Variants in GABPA observed in about 807,000 individuals in gnomAD.
GABPA encodes the protein GA-binding protein alpha chain.
A neutral mutation model predicts 59.4 loss-of-function variants in GABPA; 4 were observed. That is an observed-to-expected ratio of 0.07 (90% CI 0.03 to 0.15). The LOEUF (loss-of-function observed/expected upper bound fraction) is 0.15, where lower values mean the gene tolerates loss of function less well. GABPA is among the 10% of genes least tolerant of loss of function. The pLI, the probability that GABPA is intolerant of heterozygous loss-of-function variation, is 1.00. For missense variants in GABPA, 251 were observed against 543.8 expected (o/e 0.46, Z 5.36); for synonymous variants, 164 against 183.1 (o/e 0.90, Z 0.84).
At chr21:25,756,637 G>A (rs1025820097) in intron 5 of GABPA, among the ~76,000 whole-genome samples, 4 of 152,186 alleles carry the variant, frequency 2.6e-5, no homozygotes, top group Admixed American at 6.5e-5. Flanking sequence ...ATCAGAGTGG[G>A]TCACACTTCC....
At chr21:25,738,245 CAT>C (rs541091694) in intron 1 of GABPA, among the ~76,000 whole-genome samples, 62 of 152,330 alleles carry the variant, frequency 4.1e-4, no homozygotes, top group African/African-American at 1.4e-3. Flanking sequence ...CCAACACACA[CAT>C]GGTATAAAGT....
chr21:25,743,021 G>A (rs978486035), intron 2 of GABPA, among the ~76,000 whole-genome samples: 1 of 152,128 alleles, frequency 6.6e-6, no homozygotes, highest in African/African-American at 2.4e-5. Context: ...TCTGTCTCGG[G>A]TATTTCATGA....
chr21:25,757,859 T>A, intron 5 of GABPA, 151 bp from the exon 6 acceptor site: 1 of 388,400 alleles, frequency 2.6e-6, no homozygotes, highest in Non-Finnish European at 4.5e-6. Flanking sequence ...ATTTTTTTTT[T>A]TTTTTTTTTT....
At chr21:25,736,793 A>C (rs67239639) in intron 1 of GABPA, among the ~76,000 whole-genome samples, 1 of 152,320 alleles carries the variant, frequency 6.6e-6, no homozygotes, top group Non-Finnish European at 1.5e-5. Context: ...CTTTCACTGT[A>C]TGTGCTTTCT....
Position 25,744,099 on chromosome 21 carries a change from GCTTA to G in GABPA, c.78-1106_78-1103del, listed in dbSNP as rs544380947. Among the ~76,000 whole-genome samples the G allele has an allele frequency of 1.4e-4, 21 of 149,318 alleles. No individual in the cohort carries two copies. In the South Asian group the frequency reaches 2.1e-3, roughly 15 times the overall value. On this transcript the variant is annotated intron_variant, in intron 2 of 9. Transcript: ENST00000400075. ...TATAGCTGAAGAGTTTGGTAAAAAGGCTTACTTAAAGTTTTTTTTTACCTTAACA... is the reference window on the plus strand; with the variant it reads ...TATAGCTGAAGAGTTTGGTAAAAAGGCTTAAAGTTTTTTTTTACCTTAACA...
intron 5 of GABPA, among the ~76,000 whole-genome samples, 161 bp from the exon 6 acceptor site, chr21:25,757,849 A>ATTTTTTTTTTTTTT (rs60518912): frequency 1.8e-5 from 2 of 108,734 alleles, no homozygotes; most frequent in African/African-American, 7.3e-5. Flanking sequence ...TTACAGCATA[A>ATTTTTTTTTTTTTT]TTTTTTTTTT....
intron 1 of GABPA, among the ~76,000 whole-genome samples, chr21:25,736,489 CA>C (rs1422919881): frequency 6.6e-6 from 1 of 152,130 alleles, no homozygotes; most frequent in Non-Finnish European, 1.5e-5. Context: ...CCAGGCTTTC[CA>C]AGCTTCTTTA....
chr21:25,758,293 T>A, intron 6 of GABPA, 89 bp downstream of exon 6: 1 of 853,396 alleles, frequency 1.2e-6, no homozygotes, highest in Non-Finnish European at 1.8e-6. Context: ...TGTTTATTGA[T>A]AATGATAAGT....
At chr21:25,742,759 C>A (rs1374405218) in intron 2 of GABPA, among the ~76,000 whole-genome samples, 7 of 142,574 alleles carry the variant, frequency 4.9e-5, no homozygotes, top group African/African-American at 5.1e-5. Flanking sequence ...ACAAAACATA[C>A]AAAAAAAAAA....
At chr21:25,759,392 T>G (rs1313121635) in intron 6 of GABPA, among the ~76,000 whole-genome samples, 1 of 152,138 alleles carries the variant, frequency 6.6e-6, no homozygotes, top group Non-Finnish European at 1.5e-5. Context: ...CGTAATTCAA[T>G]GCTTGCAGTT....
chr21:25,738,955 A>T (rs764284914), intron 1 of GABPA, among the ~76,000 whole-genome samples: 1 of 152,016 alleles, frequency 6.6e-6, no homozygotes, highest in Non-Finnish European at 1.5e-5. Context: ...GAGGGTCTTC[A>T]TTTCTTCATC....
At chr21:25,743,578 GATC>G (rs1186972504) in intron 2 of GABPA, among the ~76,000 whole-genome samples, 1 of 148,416 alleles carries the variant, frequency 6.7e-6, no homozygotes. Flanking sequence ...AGTAGTATGA[GATC>G]ATCTTTTTTT....
intron 1 of GABPA, among the ~76,000 whole-genome samples, chr21:25,738,719 T>C (rs1051434880): frequency 1.2e-4 from 19 of 152,202 alleles, no homozygotes; most frequent in South Asian, 4.1e-4. Flanking sequence ...CTGCTGAAGG[T>C]AGTACTCTTC....
At chr21:25,735,678 G>C (rs1196693632) in intron 1 of GABPA, 100 bp downstream of exon 1, 6 of 148,010 alleles carry the variant, frequency 4.1e-5, no homozygotes, top group African/African-American at 1.5e-4. Context: ...GGCCGCCTCT[G>C]TGTTTTGTTT....
chr21:25,764,440 G>A, intron 8 of GABPA, 90 bp downstream of exon 8: 1 of 1,436,818 alleles, frequency 7.0e-7, no homozygotes, highest in Non-Finnish European at 9.4e-7. Flanking sequence ...TGTGAATTTG[G>A]ACTATCCCTC....
intron 5 of GABPA, among the ~76,000 whole-genome samples, chr21:25,752,848 A>G (rs964723699): frequency 2.6e-5 from 4 of 152,218 alleles, no homozygotes; most frequent in Non-Finnish European, 4.4e-5. Context: ...AAGGGAAAAC[A>G]GGAGCATATT....
chr21:25,745,142 A>G, intron 2 of GABPA, 68 bp from the exon 3 acceptor site: 1 of 1,533,428 alleles, frequency 6.5e-7, no homozygotes, highest in South Asian at 1.2e-5. Flanking sequence ...TTGTGTTTTT[A>G]GCATATTGTT....
intron 1 of GABPA, among the ~76,000 whole-genome samples, chr21:25,739,272 G>T (rs1348700644): frequency 6.6e-6 from 1 of 152,218 alleles, no homozygotes; most frequent in Admixed American, 6.5e-5. Flanking sequence ...GAGAGTTATA[G>T]CCCTTTCTAA....
intron 1 of GABPA, among the ~76,000 whole-genome samples, chr21:25,736,772 C>T (rs1031063404): frequency 6.6e-6 from 1 of 152,184 alleles, no homozygotes; most frequent in Non-Finnish European, 1.5e-5. Flanking sequence ...CTGAGGGTCC[C>T]AACTGTTAAT....
Sources: allele counts gnomAD v4.1 joint callset (sites outside exome capture counted in the v4.1 genomes callset), GRCh38; gene constraint gnomAD v4.1.1; transcripts MANE v1.5; gene names NCBI Gene and HGNC (gene_info 2026-07-23, HGNC 2026-07-21).